Variants in MAP7D2 observed in about 807,000 individuals in gnomAD.
MAP7D2 encodes MAP7 domain-containing protein 2.
MAP7D2 carries 33 observed loss-of-function variants against 63.5 expected under a neutral mutation model. The observed-to-expected ratio is 0.52, with a 90% CI of 0.39 to 0.70. The LOEUF is 0.70. MAP7D2 is among the 30% of genes least tolerant of loss of function. The pLI is 0.00. For synonymous variants in MAP7D2, 224 were observed against 223.7 expected, an observed-to-expected ratio of 1.00 and a Z score of -0.01; for missense variants, 626 against 604.0, an observed-to-expected ratio of 1.04 and a Z score of -0.38.
chrX:20,089,146 A>ACC (rs2065999730), intron 1 of MAP7D2, among the ~76,000 whole-genome samples: 1 of 111,871 alleles, frequency 8.9e-6, no homozygotes, highest in African/African-American at 3.2e-5. Context: ...GTTAATTTTT[A>ACC]TATATGATGC....
intron 9 of MAP7D2, 128 bp from the exon 10 acceptor site, chrX:20,025,211 C>T (rs763333003): frequency 2.2e-4 from 173 of 790,233 alleles, no homozygotes; most frequent in Non-Finnish European, 2.6e-4. Flanking sequence ...GAAATGCCGT[C>T]CAGACTAGCA....
At chrX:20,100,592 G>A (rs2066402811) in intron 1 of MAP7D2, among the ~76,000 whole-genome samples, 1 of 98,142 alleles carries the variant, frequency 1.0e-5, no homozygotes, top group African/African-American at 3.7e-5. Flanking sequence ...AGAGAGAAGA[G>A]ATGTAACAGT....
intron 9 of MAP7D2, 95 bp downstream of exon 9, chrX:20,025,586 A>G: frequency 9.3e-7 from 1 of 1,077,928 alleles, no homozygotes; most frequent in Non-Finnish European, 1.3e-6. Flanking sequence ...CCAGAGAAAA[A>G]TCCCTTTCCC....
At chrX:20,036,216 T>C (rs891747696) in intron 8 of MAP7D2, among the ~76,000 whole-genome samples, 7 of 110,011 alleles carry the variant, frequency 6.4e-5, no homozygotes, top group African/African-American at 2.3e-4. Flanking sequence ...CAAAATAATA[T>C]GTACACCAAA....
At chrX:20,053,930 G>A (rs975415189) in intron 4 of MAP7D2, among the ~76,000 whole-genome samples, 13 of 111,230 alleles carry the variant, frequency 1.2e-4, no homozygotes, top group African/African-American at 2.6e-4. Flanking sequence ...TGCAACCTCC[G>A]CCTCCCGGGT....
At chrX:20,092,556 T>C (rs2066098074) in intron 1 of MAP7D2, among the ~76,000 whole-genome samples, 1 of 112,309 alleles carries the variant, frequency 8.9e-6, no homozygotes. Context: ...TCAACAGAAT[T>C]CCTCTTCTTC....
intron 1 of MAP7D2, among the ~76,000 whole-genome samples, chrX:20,112,361 C>T (rs758958571): frequency 2.5e-4 from 28 of 111,964 alleles, no homozygotes; most frequent in East Asian, 8.4e-4. Context: ...GTTTTCCTTT[C>T]GCTTAAATGA....
chrX:20,063,343 A>G, intron 3 of MAP7D2, 71 bp downstream of exon 3: 2 of 1,126,556 alleles, frequency 1.8e-6, no homozygotes, highest in Non-Finnish European at 2.4e-6. Flanking sequence ...AGAGCTGGGC[A>G]GGATGCCCAG....
intron 14 of MAP7D2, 120 bp from the exon 15 acceptor site, chrX:20,012,655 G>T (rs1325057888): frequency 1.7e-6 from 1 of 587,100 alleles, no homozygotes; most frequent in Non-Finnish European, 2.6e-6. Context: ...AGCATCTTTT[G>T]TGGAAAGAGC....
chrX:20,080,490 AGGGCATGTAGGTCT>A (rs2065750044), intron 1 of MAP7D2, among the ~76,000 whole-genome samples: 1 of 111,184 alleles, frequency 9.0e-6, no homozygotes, highest in Non-Finnish European at 1.9e-5. Context: ...TACCATGGAC[AGGGCATGTAGGTCT>A]GGGCATCTGA....
intron 10 of MAP7D2, among the ~76,000 whole-genome samples, chrX:20,023,256 T>G (rs2073718175): frequency 8.9e-6 from 1 of 112,818 alleles, no homozygotes; most frequent in South Asian, 3.6e-4. Context: ...AAAGCTGTTG[T>G]GTAAAATGTG....
chrX:20,046,633 C>T (rs2148296389), intron 6 of MAP7D2, among the ~76,000 whole-genome samples: 1 of 112,508 alleles, frequency 8.9e-6, no homozygotes, highest in Non-Finnish European at 1.9e-5. Flanking sequence ...AGGCTGCTCA[C>T]TGGATAAAAT....
At chrX:20,081,289 T>C (rs1397550774) in intron 1 of MAP7D2, among the ~76,000 whole-genome samples, 1 of 111,275 alleles carries the variant, frequency 9.0e-6, no homozygotes, top group Non-Finnish European at 1.9e-5. Context: ...TCATCCTTCC[T>C]ATAGGGAGAT....
intron 16 of MAP7D2, among the ~76,000 whole-genome samples, chrX:20,009,515 T>C (rs774503140): frequency 9.2e-6 from 1 of 108,478 alleles, no homozygotes; most frequent in Non-Finnish European, 1.9e-5. Context: ...ATACAAAAAA[T>C]TAGCCAGGCA....
chrX:20,015,754 A>G (rs1328904844), intron 11 of MAP7D2, among the ~76,000 whole-genome samples: 1 of 112,416 alleles, frequency 8.9e-6, no homozygotes, highest in African/African-American at 3.2e-5. Context: ...GAGGTTCCCA[A>G]TGGGACTGTG....
chrX:20,019,651 C>G (rs1386118744), intron 10 of MAP7D2, among the ~76,000 whole-genome samples: 1 of 112,190 alleles, frequency 8.9e-6, no homozygotes, highest in Non-Finnish European at 1.9e-5. Context: ...TCTATTCTTA[C>G]GTGCTTAAAA....
Position 20,056,753 on chromosome X carries a change from G to A in MAP7D2, c.411C>T (p.Arg137=), listed in dbSNP as rs778122579. ...TCTTTTTCAGCTCCAGCTGCTGTGT[G>A]CGCTCCAGGGACCGGCGCATCATCG... The part of the protein sequence containing the change: ...LEAMMRRSLE[R]TQQLELKKKY... Residue 137 remains arginine, a synonymous_variant, in exon 4 of 17, where the codon CGC becomes CGT. Coordinates refer to ENST00000379643, the MANE Select transcript of MAP7D2 (RefSeq NM_001168465.2). 2 of 1,211,570 alleles carry A rather than the reference G, an allele frequency of 1.7e-6. No individual in the cohort carries two copies. Among genetic ancestry groups the A allele is most frequent in the African/African-American group, 3.5e-5 (2 of 57,865 alleles).
intron 10 of MAP7D2, among the ~76,000 whole-genome samples, chrX:20,023,573 C>A (rs1332916797): frequency 1.8e-5 from 2 of 112,306 alleles, no homozygotes; most frequent in African/African-American, 6.5e-5. Flanking sequence ...AAAATAAAGA[C>A]AGAATGTTCA....
At chrX:20,111,549 C>T (rs1291257251) in intron 1 of MAP7D2, among the ~76,000 whole-genome samples, 2 of 111,358 alleles carry the variant, frequency 1.8e-5, no homozygotes, top group African/African-American at 3.3e-5. Context: ...AAGACTGTCC[C>T]GGCAGAAGTC....
Sources: allele counts gnomAD v4.1 joint callset (sites outside exome capture counted in the v4.1 genomes callset), GRCh38; gene constraint gnomAD v4.1.1; transcripts MANE v1.5; gene names NCBI Gene and HGNC (gene_info 2026-07-23, HGNC 2026-07-21).